The following ARHGAP22 variants were observed in gnomAD, a reference collection of about 807,000 sequenced individuals.
The protein encoded by ARHGAP22 is rho GTPase-activating protein 22.
ARHGAP22 carries 48 observed loss-of-function variants against 59.1 expected under a neutral mutation model. That is an observed-to-expected ratio of 0.81 (90% CI 0.64 to 1.03). The LOEUF is 1.03. ARHGAP22 is among the 50% of genes least tolerant of loss of function. ARHGAP22 has a pLI of 0.00. For missense variants in ARHGAP22, 1,015 were observed against 958.7 expected (o/e 1.06, Z -0.78); for synonymous variants, 445 against 416.4 (o/e 1.07, Z -0.84).
intron 3 of ARHGAP22, among the ~76,000 whole-genome samples, chr10:48,545,683 G>A (rs772324429): frequency 6.6e-6 from 1 of 152,164 alleles, no homozygotes; most frequent in Non-Finnish European, 1.5e-5. Flanking sequence ...AGTAATCTGT[G>A]CACACTGGCT....
chr10:48,499,865 T>C (rs2051323751), intron 3 of ARHGAP22, among the ~76,000 whole-genome samples: 1 of 152,250 alleles, frequency 6.6e-6, no homozygotes, highest in Non-Finnish European at 1.5e-5. Flanking sequence ...AAAATAGAGA[T>C]GCCAGCAGCA....
intron 1 of ARHGAP22, among the ~76,000 whole-genome samples, chr10:48,634,871 G>A (rs2061753009): frequency 6.6e-6 from 1 of 152,192 alleles, no homozygotes; most frequent in Admixed American, 6.5e-5. Flanking sequence ...TATGACTAGA[G>A]TTCTTATAAG....
chr10:48,542,389 G>A (rs1240795868), intron 3 of ARHGAP22, among the ~76,000 whole-genome samples: 1 of 152,252 alleles, frequency 6.6e-6, no homozygotes, highest in African/African-American at 2.4e-5. Context: ...TTAGTGTCTT[G>A]AAATTCTTAA....
intron 3 of ARHGAP22, among the ~76,000 whole-genome samples, chr10:48,549,514 C>G (rs4593967): frequency 6.6e-6 from 1 of 151,926 alleles, no homozygotes; most frequent in African/African-American, 2.4e-5. Flanking sequence ...TCTAGGGGAA[C>G]GCCTCTTTCC....
chr10:48,577,101 G>A (rs1309530399), intron 2 of ARHGAP22, among the ~76,000 whole-genome samples: 6 of 151,996 alleles, frequency 3.9e-5, no homozygotes, highest in African/African-American at 1.5e-4. Flanking sequence ...ACATTGGGTT[G>A]TCTCTCTTAT....
At chr10:48,562,565 C>A (rs1288565516) in intron 2 of ARHGAP22, among the ~76,000 whole-genome samples, 1 of 152,142 alleles carries the variant, frequency 6.6e-6, no homozygotes, top group Non-Finnish European at 1.5e-5. Flanking sequence ...TGTGTGATTC[C>A]ATTTCTATAA....
rs149686273 is a variant in ARHGAP22 at position 48,578,872 on chromosome 10, A to C, written c.234+4081T>G. On this transcript the variant is annotated intron_variant, in intron 2 of 9. Coordinates refer to ENST00000249601, the MANE Select transcript of ARHGAP22 (RefSeq NM_021226.4). ...ATCCTACTTTATTTGATGTTACTAA[A>C]TTTGCTTTCTTTTTGCTCACATTTA... 2.6e-3 allele frequency among the ~76,000 whole-genome samples: 392 copies of C among 151,144 alleles called. 1 individual carries two copies. The highest frequency in any genetic ancestry group is 0.015 in the South Asian group (72 of 4,798).
intron 3 of ARHGAP22, among the ~76,000 whole-genome samples, chr10:48,522,168 C>G (rs1230077540): frequency 2.6e-5 from 4 of 152,224 alleles, no homozygotes; most frequent in African/African-American, 4.8e-5. Flanking sequence ...CTCCTCCCTG[C>G]CAGACAGTGG....
intron 1 of ARHGAP22, among the ~76,000 whole-genome samples, chr10:48,612,424 C>T (rs1002097915): frequency 1.8e-4 from 27 of 152,164 alleles, no homozygotes; most frequent in Admixed American, 2.0e-4. Context: ...AGCAGATGAC[C>T]CTGCCTGGGT....
chr10:48,478,447 G>A (rs765449093), intron 4 of ARHGAP22, among the ~76,000 whole-genome samples: 5 of 152,222 alleles, frequency 3.3e-5, no homozygotes, highest in Non-Finnish European at 7.3e-5. Flanking sequence ...AGGAGCAAAG[G>A]AAGGGGCTCA....
intron 1 of ARHGAP22, among the ~76,000 whole-genome samples, chr10:48,599,798 G>T (rs532184742): frequency 6.6e-6 from 1 of 152,152 alleles, no homozygotes; most frequent in Non-Finnish European, 1.5e-5. Flanking sequence ...GCACAGAGTG[G>T]GTGGCCTGTC....
chr10:48,547,702 G>T lies in ARHGAP22; in HGVS notation c.322+7761C>A, dbSNP rs1224438039. Among the ~76,000 whole-genome samples the T allele has an allele frequency of 1.4e-4, 22 of 152,182 alleles. 1 individual carries two copies. Among genetic ancestry groups the T allele is most frequent in the Admixed American group, 1.4e-3 (22 of 15,284 alleles). ...AGGGTGGCCATTCACGTCTTCCTCG[G>T]GCTAATCCTCAGCACTGCACACTCA... On this transcript the variant is annotated intron_variant, in intron 3 of 9. Coordinates refer to ENST00000249601, the MANE Select transcript of ARHGAP22 (RefSeq NM_021226.4).
intron 7 of ARHGAP22, 77 bp from the exon 8 acceptor site, chr10:48,453,502 C>A: frequency 6.3e-7 from 1 of 1,583,878 alleles, no homozygotes; most frequent in Non-Finnish European, 8.6e-7. Context: ...CTGGACGCAC[C>A]GCCACACCCC....
chr10:48,555,490 C>T lies in ARHGAP22; in HGVS notation c.295G>A (p.Gly99Arg). 3.1e-6 allele frequency: 5 copies of T among 1,614,200 alleles called. No homozygotes were observed. Among genetic ancestry groups the T allele is most frequent in the Non-Finnish European group, 3.4e-6 (4 of 1,180,026 alleles). Reference protein sequence around the residue: ...TELPPGPEDPGKHLFEISPGG... With the variant: ...TELPPGPEDPRKHLFEISPGG... ...GGGCTGATCTCAAAGAGGTGCTTCC[C>T]TGGGTCCTCGGGGCCAGGAGGAAGT... The change falls in exon 3 of 10, where the codon GGG becomes AGG. Residue 99 changes from glycine to arginine, a missense_variant. Physicochemically the swap from Gly to Arg is moderately radical, Grantham distance 125. Coordinates refer to ENST00000249601, the MANE Select transcript of ARHGAP22 (RefSeq NM_021226.4).
At chr10:48,508,218 A>G (rs2052360445) in intron 3 of ARHGAP22, among the ~76,000 whole-genome samples, 1 of 152,206 alleles carries the variant, frequency 6.6e-6, no homozygotes, top group South Asian at 2.1e-4. Context: ...CCCAGGCAGA[A>G]CTTCCCCATC....
intron 3 of ARHGAP22, among the ~76,000 whole-genome samples, chr10:48,487,129 C>T (rs1376862473): frequency 1.3e-5 from 2 of 152,108 alleles, no homozygotes; most frequent in Non-Finnish European, 2.9e-5. Flanking sequence ...ATTGGTACTT[C>T]AAATACGTGT....
Position 48,455,153 on chromosome 10 carries a change from C to T in ARHGAP22, c.660-19G>A. ...TGTTGTGCTGTGGGGGGGAAGAGGA[C>T]AGGTGTGTGAGGCCTGGGATGCCAG... On this transcript the variant is annotated intron_variant, in intron 5 of 9. Transcript: ENST00000249601. 1 of 1,592,580 alleles carries T rather than the reference C, an allele frequency of 6.3e-7. No individual in the cohort carries two copies. Among genetic ancestry groups the T allele is most frequent in the Non-Finnish European group, 8.6e-7 (1 of 1,166,694 alleles).
chr10:48,568,014 T>C (rs561324473), intron 2 of ARHGAP22, among the ~76,000 whole-genome samples: 1 of 152,372 alleles, frequency 6.6e-6, no homozygotes, highest in South Asian at 2.1e-4. Flanking sequence ...TCCATGCTGG[T>C]AAATCCATTT....
At chr10:48,589,549 C>A (rs2059628829) in intron 1 of ARHGAP22, among the ~76,000 whole-genome samples, 1 of 152,110 alleles carries the variant, frequency 6.6e-6, no homozygotes, top group Non-Finnish European at 1.5e-5. Flanking sequence ...CATGTCTCTC[C>A]CCAACCCACT....
Sources: gnomAD v4.1 joint callset for allele counts (sites outside exome capture counted in the v4.1 genomes callset) on GRCh38, gnomAD v4.1.1 for gene constraint, MANE v1.5 for transcripts, NCBI Gene and HGNC (gene_info 2026-07-23, HGNC 2026-07-21) for gene names.